The following SH3RF1 variants were observed in gnomAD, a reference collection of about 807,000 sequenced individuals.
SH3RF1 encodes SH3 domain containing ring finger 1, also known as E3 ubiquitin-protein ligase SH3RF1.
In SH3RF1, 32 loss-of-function variants were observed where a neutral mutation model predicts 74.0. The observed-to-expected ratio is 0.43, with a 90% CI of 0.33 to 0.58. The LOEUF (loss-of-function observed/expected upper bound fraction) is 0.58, where lower values mean the gene tolerates loss of function less well. Ranked by LOEUF, SH3RF1 falls within the 20% of genes least tolerant of loss-of-function variation. The pLI, the probability that SH3RF1 is intolerant of heterozygous loss-of-function variation, is 0.05. For missense variants in SH3RF1, 954 were observed against 1,130.9 expected (o/e 0.84, Z 2.24); for synonymous variants, 396 against 439.6 (o/e 0.90, Z 1.24).
intron 2 of SH3RF1, among the ~76,000 whole-genome samples, chr4:169,260,046 C>T (rs980118555): frequency 1.8e-4 from 28 of 152,074 alleles, no homozygotes; most frequent in Non-Finnish European, 2.5e-4. Context: ...ATGGAGTGAG[C>T]GTCTGACCAG....
At chr4:169,238,430 T>A (rs144091276) in intron 2 of SH3RF1, among the ~76,000 whole-genome samples, 2 of 152,204 alleles carry the variant, frequency 1.3e-5, no homozygotes, top group Non-Finnish European at 2.9e-5. Context: ...GCCCTCTTAA[T>A]TTACCATTAC....
intron 2 of SH3RF1, among the ~76,000 whole-genome samples, chr4:169,206,602 T>C (rs1238054132): frequency 6.6e-6 from 1 of 152,212 alleles, no homozygotes; most frequent in Non-Finnish European, 1.5e-5. Context: ...GGACAAGTGC[T>C]TATTATGTGC....
At chr4:169,174,169 C>CCTCT (rs1430811156) in intron 2 of SH3RF1, among the ~76,000 whole-genome samples, 1 of 152,070 alleles carries the variant, frequency 6.6e-6, no homozygotes, top group Non-Finnish European at 1.5e-5. Flanking sequence ...CTGAAGTGAT[C>CCTCT]CTCTCTCTTC....
intron 2 of SH3RF1, among the ~76,000 whole-genome samples, chr4:169,244,397 AAAAG>A (rs1427660455): frequency 9.7e-6 from 1 of 103,028 alleles, no homozygotes; most frequent in Non-Finnish European, 2.0e-5. Flanking sequence ...CTGCTTTTGT[AAAAG>A]CTCTTCCCAG....
intron 2 of SH3RF1, among the ~76,000 whole-genome samples, chr4:169,239,849 C>T (rs1307909950): frequency 2.6e-5 from 4 of 151,884 alleles, no homozygotes; most frequent in East Asian, 1.9e-4. Flanking sequence ...GGTGAAACCC[C>T]GTCTCTAATG....
At chr4:169,257,832 A>G (rs1254205383) in intron 2 of SH3RF1, among the ~76,000 whole-genome samples, 1 of 152,234 alleles carries the variant, frequency 6.6e-6, no homozygotes, top group Non-Finnish European at 1.5e-5. Context: ...ATCCAAAGTC[A>G]GGCTCCCTAA....
intron 2 of SH3RF1, among the ~76,000 whole-genome samples, chr4:169,237,304 A>C (rs373171890): frequency 6.6e-6 from 1 of 152,208 alleles, no homozygotes; most frequent in Non-Finnish European, 1.5e-5. Context: ...TAATTTTCCA[A>C]AGGTGACTTT....
intron 2 of SH3RF1, among the ~76,000 whole-genome samples, chr4:169,201,313 C>T (rs1392974006): frequency 2.6e-5 from 4 of 152,174 alleles, no homozygotes; most frequent in East Asian, 1.9e-4. Flanking sequence ...TGATGCAAAA[C>T]CAGGAAACAA....
chr4:169,210,384 C>A (rs1730337208), intron 2 of SH3RF1, among the ~76,000 whole-genome samples: 1 of 152,180 alleles, frequency 6.6e-6, no homozygotes, highest in South Asian at 2.1e-4. Flanking sequence ...TCCAGATATG[C>A]TTTAACCTAT....
intron 4 of SH3RF1, among the ~76,000 whole-genome samples, chr4:169,146,647 G>A (rs945376343): frequency 4.6e-5 from 7 of 152,180 alleles, no homozygotes; most frequent in Non-Finnish European, 7.3e-5. Flanking sequence ...AGACTGGAGT[G>A]ACCAGAGGCT....
intron 2 of SH3RF1, among the ~76,000 whole-genome samples, chr4:169,211,864 A>G (rs1224970697): frequency 6.6e-6 from 1 of 152,184 alleles, no homozygotes; most frequent in Non-Finnish European, 1.5e-5. Context: ...TCCTGACACC[A>G]TCTCTTGGAG....
rs1731006920 is a variant in SH3RF1 at position 169,247,099 on chromosome 4, G to GAC, written c.393+21719_393+21720dup. Among the ~76,000 whole-genome samples the GAC allele has an allele frequency of 2.0e-5, 3 of 152,326 alleles. No individual in the cohort carries two copies. The South Asian group carries it at 6.2e-4, about 32-fold the overall frequency. On this transcript the variant is annotated intron_variant, in intron 2 of 11. Transcript: ENST00000284637. Reference sequence around the variant, plus strand: ...TTCAAGGGGCTATTTAGCAGAGTAAGACATGATGTGCTCACTGGGAAAAGC... The same window carrying GAC: ...TTCAAGGGGCTATTTAGCAGAGTAAGACACATGATGTGCTCACTGGGAAAAGC...
intron 2 of SH3RF1, among the ~76,000 whole-genome samples, chr4:169,221,963 G>A (rs137911203): frequency 7.2e-4 from 110 of 152,146 alleles, no homozygotes; most frequent in African/African-American, 2.5e-3. Flanking sequence ...GTAAGTCTTC[G>A]TTCCCCTCAT....
chr4:169,231,633 C>G (rs1440067094), intron 2 of SH3RF1, among the ~76,000 whole-genome samples: 1 of 152,010 alleles, frequency 6.6e-6, no homozygotes, highest in Non-Finnish European at 1.5e-5. Flanking sequence ...ACTCAAGATT[C>G]TAAATAACTA....
intron 4 of SH3RF1, among the ~76,000 whole-genome samples, chr4:169,144,029 T>C (rs1224087149): frequency 6.6e-6 from 1 of 152,228 alleles, no homozygotes; most frequent in African/African-American, 2.4e-5. Context: ...GTCTTTGTCC[T>C]CACTGGTTCA....
chr4:169,132,793 GA>G (rs1230914096), intron 5 of SH3RF1, among the ~76,000 whole-genome samples: 2 of 152,054 alleles, frequency 1.3e-5, no homozygotes, highest in Non-Finnish European at 2.9e-5. Flanking sequence ...CACTCCTCTG[GA>G]GGCCAAAAAA....
intron 2 of SH3RF1, among the ~76,000 whole-genome samples, chr4:169,267,549 A>C (rs1731373292): frequency 6.6e-6 from 1 of 152,230 alleles, no homozygotes; most frequent in South Asian, 2.1e-4. Context: ...AAACCTCCCT[A>C]TCCCAGAGTT....
chr4:169,107,059 T>A lies in SH3RF1; in HGVS notation c.2286A>T (p.Pro762=). The stretch of plus-strand genomic sequence containing the variant: ...CTGCCCTGCCATGGCCACCTCCTGG[T>A]GGCAGTTCGGGCCCCACCGCTCCCT... The part of the protein sequence containing the change: ...PLQGAVGPEL[P]PGGGHGRAGS... Residue 762 remains proline, a synonymous_variant, in exon 11 of 12, where the codon CCA becomes CCT. Transcript: ENST00000284637. 2.5e-6 allele frequency: 4 copies of A among 1,613,978 alleles called. No individual in the cohort carries two copies. Among genetic ancestry groups the A allele is most frequent in the South Asian group, 1.1e-5 (1 of 91,080 alleles).
At chr4:169,122,613 A>G (rs1159615138) in intron 6 of SH3RF1, among the ~76,000 whole-genome samples, 1 of 152,222 alleles carries the variant, frequency 6.6e-6, no homozygotes, top group Non-Finnish European at 1.5e-5. Context: ...ATGCCTTTCG[A>G]GGCGGGTAGC....
Sources: allele counts gnomAD v4.1 joint callset (sites outside exome capture counted in the v4.1 genomes callset), GRCh38; gene constraint gnomAD v4.1.1; transcripts MANE v1.5; gene names NCBI Gene and HGNC (gene_info 2026-07-23, HGNC 2026-07-21).